Variants in MAD1L1 observed in about 807,000 individuals in gnomAD.
MAD1L1 encodes the protein mitotic spindle assembly checkpoint protein MAD1.
MAD1L1 carries 95 observed loss-of-function variants against 96.9 expected under a neutral mutation model. The ratio of observed to expected loss-of-function variants is 0.98; its 90% CI spans 0.83 to 1.16. The LOEUF is 1.16. Ranked by LOEUF, MAD1L1 falls within the 50% of genes most tolerant of loss-of-function variation. MAD1L1 has a pLI of 0.00. For synonymous variants in MAD1L1, 473 were observed against 396.6 expected, an observed-to-expected ratio of 1.19 and a Z score of -2.29; for missense variants, 1,007 against 954.4, an observed-to-expected ratio of 1.06 and a Z score of -0.73.
chr7:2,224,743 A>C (rs1178192489), intron 4 of MAD1L1, among the ~76,000 whole-genome samples: 1 of 152,158 alleles, frequency 6.6e-6, no homozygotes, highest in African/African-American at 2.4e-5. Flanking sequence ...AAGTGCTGTT[A>C]ATCAGAGCAG....
intron 10 of MAD1L1, among the ~76,000 whole-genome samples, chr7:2,167,738 A>AG (rs888574988): frequency 1.5e-4 from 22 of 151,466 alleles, no homozygotes; most frequent in African/African-American, 5.3e-4. Context: ...ATTAAAAAAA[A>AG]AAACACAATA....
intron 11 of MAD1L1, among the ~76,000 whole-genome samples, chr7:2,093,105 G>T (rs1562679393): frequency 1.3e-5 from 2 of 151,668 alleles, no homozygotes; most frequent in African/African-American, 4.8e-5. Flanking sequence ...ATTAGCTGGG[G>T]ATGGTGGCAC....
chr7:1,844,292 C>A (rs1015294803), intron 18 of MAD1L1: 2 of 154,110 alleles, frequency 1.3e-5, no homozygotes, highest in African/African-American at 4.8e-5. Context: ...CCTGCCAAAA[C>A]CTCATGCTTG....
At chr7:2,014,477 G>A (rs778418621) in intron 13 of MAD1L1, 25 bp downstream of exon 13, 2 of 1,535,218 alleles carry the variant, frequency 1.3e-6, no homozygotes, top group Non-Finnish European at 1.8e-6. Context: ...CTGGCGACGT[G>A]AGCCCCACGC....
intron 18 of MAD1L1, chr7:1,849,620 C>G (rs1469439343): frequency 6.6e-6 from 1 of 152,234 alleles, no homozygotes; most frequent in African/African-American, 2.4e-5. Context: ...GGCCCAAGAA[C>G]GGGAAGCGGC....
chr7:2,216,029 A>C, intron 8 of MAD1L1, 30 bp from the exon 9 acceptor site: 1 of 1,612,760 alleles, frequency 6.2e-7, no homozygotes, highest in Non-Finnish European at 8.5e-7. Flanking sequence ...TCGCTCAAAT[A>C]GCCACACACC....
At chr7:2,013,141 C>T (rs1352315279) in intron 13 of MAD1L1, among the ~76,000 whole-genome samples, 1 of 152,258 alleles carries the variant, frequency 6.6e-6, no homozygotes. Flanking sequence ...GCACACGGCC[C>T]AGCCTGCTGT....
intron 12 of MAD1L1, among the ~76,000 whole-genome samples, chr7:2,052,469 A>G (rs529859122): frequency 6.7e-6 from 1 of 149,852 alleles, no homozygotes; most frequent in African/African-American, 2.5e-5. Flanking sequence ...ACAGCTCACT[A>G]GGGCCCAGGC....
In MAD1L1 at chr7:2,129,574, C is replaced by T. The variant is rs573181190; in HGVS notation, c.1073+19578G>A. Among the ~76,000 whole-genome samples the T allele has an allele frequency of 2.6e-5, 4 of 152,280 alleles. No homozygotes were observed. In the South Asian group the frequency reaches 8.3e-4, roughly 32 times the overall value. On this transcript the variant is annotated intron_variant, in intron 11 of 18. Transcript: ENST00000265854. ...CAGGACAGGAACCCCAGGTGCCTCC[C>T]GTCATGAGGAGAGAGCACACACACG...
intron 11 of MAD1L1, among the ~76,000 whole-genome samples, chr7:2,072,655 A>T (rs561277679): frequency 6.6e-6 from 1 of 152,334 alleles, no homozygotes; most frequent in East Asian, 1.9e-4. Flanking sequence ...AACTAGAAGA[A>T]CGCCACCATT....
At chr7:1,957,800 T>G in intron 15 of MAD1L1, 81 bp from the exon 16 acceptor site, 1 of 1,334,200 alleles carries the variant, frequency 7.5e-7, no homozygotes, top group Non-Finnish European at 1.1e-6. Flanking sequence ...GATAAGGAGG[T>G]GAAAGGTTAG....
chr7:2,079,088 C>T (rs1785511431), intron 11 of MAD1L1, among the ~76,000 whole-genome samples: 1 of 152,344 alleles, frequency 6.6e-6, no homozygotes, highest in Non-Finnish European at 1.5e-5. Context: ...TCGCTGAAGA[C>T]TCGGGTTCAA....
intron 14 of MAD1L1, among the ~76,000 whole-genome samples, chr7:1,999,767 T>TTCTG (rs1361402271): frequency 6.6e-6 from 1 of 152,216 alleles, no homozygotes; most frequent in Non-Finnish European, 1.5e-5. Context: ...GCCCAGCCCC[T>TTCTG]GACCAGGCCC....
At chr7:2,073,321 A>G (rs1478359834) in intron 11 of MAD1L1, among the ~76,000 whole-genome samples, 2 of 152,246 alleles carry the variant, frequency 1.3e-5, no homozygotes, top group Non-Finnish European at 2.9e-5. Flanking sequence ...GGAAACAGCT[A>G]ACTAGGCTTT....
At chr7:2,157,919 T>C (rs35666814) in intron 10 of MAD1L1, among the ~76,000 whole-genome samples, 35,143 of 152,032 alleles carry the variant, frequency 0.23, 4,305 homozygotes, top group Middle Eastern at 0.36. Context: ...TGCCAAGTAT[T>C]ATTACGGCCT....
rs144327715 is a variant in MAD1L1 at position 2,142,941 on chromosome 7, G to A, written c.1073+6211C>T. ...CCCAGATGCCCCCACCGCCTAACCC[G>A]TCTGATCATCACCACTGGCCACACA... On this transcript the variant is annotated intron_variant, in intron 11 of 18. Transcript: ENST00000265854. The surrounding 1 kb of genome is among the most constrained non-coding windows in gnomAD (Gnocchi z 4.7). Among the ~76,000 whole-genome samples the A allele has an allele frequency of 1.9e-3, 282 of 152,210 alleles. 1 individual carries two copies. The highest frequency in any genetic ancestry group is 6.6e-3 in the African/African-American group (274 of 41,524).
chr7:1,939,708 C>T (rs573032624), intron 16 of MAD1L1, among the ~76,000 whole-genome samples: 56 of 152,352 alleles, frequency 3.7e-4, no homozygotes, highest in Non-Finnish European at 6.2e-4. Flanking sequence ...GATCACCCCA[C>T]GCTCTCAGGA....
At chr7:1,860,055 T>C (rs1784458257) in intron 18 of MAD1L1, among the ~76,000 whole-genome samples, 1 of 147,486 alleles carries the variant, frequency 6.8e-6, no homozygotes, top group South Asian at 2.2e-4. Flanking sequence ...TCCCTAGACC[T>C]GACATCTGGC....
At chr7:1,973,807 G>T (rs886362476) in intron 15 of MAD1L1, among the ~76,000 whole-genome samples, 2 of 152,120 alleles carry the variant, frequency 1.3e-5, no homozygotes, top group African/African-American at 2.4e-5. Flanking sequence ...TCCCTGTTGG[G>T]CATGGCAACA....
Sources: allele counts gnomAD v4.1 joint callset (sites outside exome capture counted in the v4.1 genomes callset), GRCh38; gene constraint gnomAD v4.1.1; non-coding constraint Gnocchi (gnomAD v3.1); transcripts MANE v1.5; gene names NCBI Gene and HGNC (gene_info 2026-07-23, HGNC 2026-07-21).